Variants in CDH18 observed in about 807,000 individuals in gnomAD.
CDH18 encodes cadherin 18.
CDH18 carries 31 observed loss-of-function variants against 67.9 expected under a neutral mutation model. The ratio of observed to expected loss-of-function variants is 0.46; its 90% CI spans 0.34 to 0.62. The LOEUF (loss-of-function observed/expected upper bound fraction) is 0.62. Ranked by LOEUF, CDH18 falls within the 20% of genes least tolerant of loss-of-function variation. The probability of loss-of-function intolerance (pLI) is 0.01; values close to 1 mark genes in which losing one functional copy is unlikely to be tolerated. For synonymous variants in CDH18, 362 were observed against 347.2 expected (o/e 1.04, Z -0.48); for missense variants, 890 against 975.5 (o/e 0.91, Z 1.17).
At chr5:19,921,189 T>C (rs1048673712) in intron 2 of CDH18, among the ~76,000 whole-genome samples, 4 of 152,150 alleles carry the variant, frequency 2.6e-5, no homozygotes, top group East Asian at 3.9e-4. Context: ...ATGTGACAAA[T>C]TAAAGATTGA....
intron 6 of CDH18, among the ~76,000 whole-genome samples, chr5:19,596,130 C>A (rs1203747391): frequency 6.6e-6 from 1 of 152,142 alleles, no homozygotes; most frequent in Non-Finnish European, 1.5e-5. Flanking sequence ...TGAACTGGAA[C>A]TAGAAAATAA....
At chr5:19,972,817 T>C (rs528558640) in intron 2 of CDH18, among the ~76,000 whole-genome samples, 6 of 152,056 alleles carry the variant, frequency 3.9e-5, no homozygotes, top group African/African-American at 9.6e-5. Flanking sequence ...AAAAGTCAAA[T>C]ACAAGACTGT....
chr5:19,963,338 C>T (rs1247588461), intron 2 of CDH18, among the ~76,000 whole-genome samples: 2 of 152,084 alleles, frequency 1.3e-5, no homozygotes, highest in East Asian at 3.9e-4. Flanking sequence ...TCTCACACTG[C>T]TATAAAGAAC....
In CDH18 at chr5:19,814,150, A is replaced by T. The variant is rs572827884; in HGVS notation, c.228+24609T>A. ...AATAATTTAAAATAAATAAAGTCTC[A>T]ATAGACTATTGAGACTTTATTTATG... On this transcript the variant is annotated intron_variant, in intron 3 of 12. Coordinates refer to ENST00000382275, the MANE Select transcript of CDH18 (RefSeq NM_004934.5). Among the ~76,000 whole-genome samples, 7 of 151,828 alleles carry T rather than the reference A, an allele frequency of 4.6e-5. No homozygotes were observed. In the South Asian group the frequency reaches 1.5e-3, roughly 31 times the overall value.
At chr5:20,383,067 A>G (rs1475057723) in intron 1 of CDH18, among the ~76,000 whole-genome samples, 1 of 152,160 alleles carries the variant, frequency 6.6e-6, no homozygotes, top group African/African-American at 2.4e-5. Context: ...AATCCCTTAA[A>G]AAAACTCTTG....
intron 4 of CDH18, among the ~76,000 whole-genome samples, chr5:19,729,506 C>T (rs1483604170): frequency 6.6e-6 from 1 of 152,128 alleles, no homozygotes; most frequent in Non-Finnish European, 1.5e-5. Context: ...ATATTTTCTG[C>T]CTTTTTGTTT....
chr5:20,135,303 C>T (rs1749609587), intron 2 of CDH18, among the ~76,000 whole-genome samples: 1 of 152,116 alleles, frequency 6.6e-6, no homozygotes, highest in Admixed American at 6.6e-5. Flanking sequence ...TCGACTTCTT[C>T]CTGGTTTAGT....
chr5:20,447,951 G>A (rs965672873), intron 1 of CDH18, among the ~76,000 whole-genome samples: 8 of 151,142 alleles, frequency 5.3e-5, no homozygotes, highest in Admixed American at 6.6e-5. Context: ...TGTATACAAC[G>A]TGCAGGTTTG....
chr5:20,033,485 G>C (rs1739577230), intron 2 of CDH18, among the ~76,000 whole-genome samples: 1 of 151,996 alleles, frequency 6.6e-6, no homozygotes, highest in Admixed American at 6.6e-5. Flanking sequence ...GAAATCCATA[G>C]TCTCAACATT....
At chr5:20,078,332 G>A (rs573786588) in intron 2 of CDH18, among the ~76,000 whole-genome samples, 10 of 151,806 alleles carry the variant, frequency 6.6e-5, no homozygotes, top group African/African-American at 2.2e-4. Flanking sequence ...GTGTGGTGGC[G>A]TGTGCCTGTA....
At chr5:20,152,431 T>C (rs1751197758) in intron 2 of CDH18, among the ~76,000 whole-genome samples, 1 of 151,536 alleles carries the variant, frequency 6.6e-6, no homozygotes, top group Non-Finnish European at 1.5e-5. Flanking sequence ...CAGAAATAAA[T>C]TGCCTGGAGT....
At chr5:19,485,003 GTATGTT>G (rs57443232) in intron 11 of CDH18, among the ~76,000 whole-genome samples, 16,187 of 151,896 alleles carry the variant, frequency 0.11, 942 homozygotes, top group African/African-American at 0.15. Flanking sequence ...TTTTATGTAG[GTATGTT>G]TATAACAGTC....
intron 2 of CDH18, among the ~76,000 whole-genome samples, chr5:20,096,717 A>G (rs1170374273): frequency 1.3e-5 from 2 of 152,128 alleles, no homozygotes; most frequent in Non-Finnish European, 2.9e-5. Flanking sequence ...CTTTTGCTAA[A>G]AAGGATCAAT....
intron 2 of CDH18, among the ~76,000 whole-genome samples, chr5:19,980,329 T>G (rs1579927540): frequency 6.6e-6 from 1 of 152,176 alleles, no homozygotes. Context: ...GGACTCACCT[T>G]GAATATAGAA....
At chr5:19,877,983 T>G (rs978407655) in intron 2 of CDH18, 1 of 152,148 alleles carries the variant, frequency 6.6e-6, no homozygotes, top group Non-Finnish European at 1.5e-5. Flanking sequence ...GTTATTATGA[T>G]GATTCATTAC....
chr5:20,348,950 A>G (rs1268003368), intron 1 of CDH18, among the ~76,000 whole-genome samples: 1 of 152,190 alleles, frequency 6.6e-6, no homozygotes, highest in Non-Finnish European at 1.5e-5. Context: ...TTAAATAAGT[A>G]TAATTATTTT....
At chr5:19,525,078 A>G (rs1200536723) in intron 9 of CDH18, among the ~76,000 whole-genome samples, 1 of 152,136 alleles carries the variant, frequency 6.6e-6, no homozygotes, top group Non-Finnish European at 1.5e-5. Context: ...AGGCAGGGTT[A>G]AAAGCAACTC....
chr5:19,998,162 C>T (rs1230070625), intron 2 of CDH18, among the ~76,000 whole-genome samples: 1 of 152,024 alleles, frequency 6.6e-6, no homozygotes, highest in Admixed American at 6.5e-5. Context: ...GCAAAGTGGC[C>T]AAGCTTAGGG....
chr5:19,549,379 A>G (rs1247595420), intron 8 of CDH18, among the ~76,000 whole-genome samples: 1 of 152,176 alleles, frequency 6.6e-6, no homozygotes, highest in Non-Finnish European at 1.5e-5. Context: ...CCAGAAGCAG[A>G]TGCTGGCACC....
Sources: gnomAD v4.1 joint callset for allele counts (sites outside exome capture counted in the v4.1 genomes callset) on GRCh38, gnomAD v4.1.1 for gene constraint, MANE v1.5 for transcripts, NCBI Gene and HGNC (gene_info 2026-07-23, HGNC 2026-07-21) for gene names.